Variants in PTPN22 observed in about 807,000 individuals in gnomAD.
PTPN22 encodes the protein tyrosine-protein phosphatase non-receptor type 22.
Under a neutral mutation model 103.3 loss-of-function variants are expected in PTPN22, and 85 were observed. The ratio of observed to expected loss-of-function variants is 0.82; its 90% confidence interval spans 0.69 to 0.99. The LOEUF (loss-of-function observed/expected upper bound fraction) is 0.99, where lower values mean the gene tolerates loss of function less well. PTPN22 is among the 50% of genes least tolerant of loss of function. The probability of loss-of-function intolerance (pLI) is 0.00; values close to 1 mark genes in which losing one functional copy is unlikely to be tolerated. For synonymous variants in PTPN22, 323 were observed against 310.2 expected (o/e 1.04, Z -0.43); for missense variants, 865 against 936.9 (o/e 0.92, Z 1.00).
At chr1:113,835,658 CTATA>C (rs768789268) in intron 13 of PTPN22, among the ~76,000 whole-genome samples, 1 of 152,058 alleles carries the variant, frequency 6.6e-6, no homozygotes, top group Non-Finnish European at 1.5e-5. Flanking sequence ...TTTACATAGA[CTATA>C]TAATAAAACA....
chr1:113,865,677 G>A (rs993441625), intron 1 of PTPN22, among the ~76,000 whole-genome samples: 4 of 152,102 alleles, frequency 2.6e-5, no homozygotes, highest in Admixed American at 2.6e-4. Context: ...CTTTGACCCA[G>A]TAATAACATT....
intron 16 of PTPN22, among the ~76,000 whole-genome samples, chr1:113,832,344 C>A (rs12746551): frequency 6.6e-6 from 1 of 152,134 alleles, no homozygotes; most frequent in African/African-American, 2.4e-5. Flanking sequence ...CCCGCCACCA[C>A]GCCCAGCTAA....
chr1:113,870,299 A>T (rs1044277404), intron 1 of PTPN22, among the ~76,000 whole-genome samples: 1 of 151,044 alleles, frequency 6.6e-6, no homozygotes, highest in Non-Finnish European at 1.5e-5. Flanking sequence ...TAATTTGGTG[A>T]AAAAAAATCA....
chr1:113,871,479 C>T, intron 1 of PTPN22, 58 bp downstream of exon 1: 2 of 1,454,898 alleles, frequency 1.4e-6, no homozygotes, highest in Non-Finnish European at 1.9e-6. Flanking sequence ...AATTGGACCC[C>T]CATAGTCAGT....
exon 9 of PTPN22, chr1:113,854,480 T>G (rs35910094): frequency 9.9e-6 from 16 of 1,613,388 alleles, no homozygotes; most frequent in Non-Finnish European, 1.4e-5. Flanking sequence ...CCCCATCTTT[T>G]AGCAACATCC....
chr1:113,829,690 T>C (rs762266023), exon 18 of PTPN22: 2 of 1,592,250 alleles, frequency 1.3e-6, no homozygotes, highest in Middle Eastern at 1.7e-4. Flanking sequence ...TATGTTTCTA[T>C]AGATTGGGCC....
chr1:113,824,257 A>G (rs1010560538), intron 19 of PTPN22, among the ~76,000 whole-genome samples: 1 of 152,100 alleles, frequency 6.6e-6, no homozygotes, highest in African/African-American at 2.4e-5. Flanking sequence ...GCATGCCACC[A>G]CACCCGGCTA....
At chr1:113,842,515 A>C (rs2102000232) in intron 11 of PTPN22, among the ~76,000 whole-genome samples, 1 of 152,006 alleles carries the variant, frequency 6.6e-6, no homozygotes, top group Middle Eastern at 3.4e-3. Flanking sequence ...CTCTACTAAA[A>C]ATACAAAAAT....
At position 113,858,540 on chromosome 1, in the gene PTPN22, G is replaced by A. The variant is rs1418774850; in HGVS notation, c.307C>T (p.Gln103Ter). 6.2e-7 allele frequency: 1 copy of A among 1,603,976 alleles called. No individual in the cohort carries two copies. Among genetic ancestry groups the A allele is most frequent in the Non-Finnish European group, 8.5e-7 (1 of 1,173,704 alleles). The change falls in exon 4 of 21, where the codon CAG becomes TAG. Residue 103 changes from glutamine (Q) to a stop codon, truncating the protein, a stop_gained. Coordinates refer to ENST00000359785, the Ensembl canonical transcript of PTPN22. LOFTEE classifies it high-confidence loss of function. ...AGGAGGGTTGTAGATAAAGGACCCTGGGTGGCAATATAAGCCTTGGGTCCA... is the reference window on the plus strand; with the variant it reads ...AGGAGGGTTGTAGATAAAGGACCCTAGGTGGCAATATAAGCCTTGGGTCCA...
intron 20 of PTPN22, 170 bp downstream of exon 20, chr1:113,819,407 T>C: frequency 2.5e-6 from 1 of 403,572 alleles, no homozygotes; most frequent in East Asian, 3.7e-5. Context: ...CTGTGTGAGA[T>C]GTTAAGAGGT....
chr1:113,819,571 A>G lies in PTPN22; in HGVS notation c.2359+6T>C. On this transcript the variant is annotated splice_donor_region_variant and intron_variant, in intron 20 of 20. Coordinates refer to ENST00000359785, the Ensembl canonical transcript of PTPN22. ...TTTTAACTCTTCAGTAAAATAACAC[A>G]CATACCAAAATTCAGAAATGAGCTG... 6.3e-7 allele frequency: 1 copy of G among 1,589,542 alleles called. No individual in the cohort carries two copies. Among genetic ancestry groups the G allele is most frequent in the Non-Finnish European group, 8.6e-7 (1 of 1,160,558 alleles).
chr1:113,834,240 T>C, intron 15 of PTPN22, 69 bp downstream of exon 15: 1 of 1,473,984 alleles, frequency 6.8e-7, no homozygotes, highest in Non-Finnish European at 9.3e-7. Flanking sequence ...TGATGGGTGT[T>C]AAAAATACAA....
At chr1:113,860,422 G>T (rs946401542) in intron 1 of PTPN22, among the ~76,000 whole-genome samples, 9 of 152,110 alleles carry the variant, frequency 5.9e-5, no homozygotes, top group Non-Finnish European at 1.2e-4. Flanking sequence ...TCTACTATAG[G>T]TCTTCAAACA....
At position 113,849,931 on chromosome 1, in the gene PTPN22, C is replaced by T. The variant is rs577098576; in HGVS notation, c.829-1305G>A. ...AAAATCAGGGCTGGGCATGGTGGCTCACGCCTGTAATCCCAGCACTTTGGG... is the reference window on the plus strand; with the variant it reads ...AAAATCAGGGCTGGGCATGGTGGCTTACGCCTGTAATCCCAGCACTTTGGG... On this transcript the variant is annotated intron_variant, in intron 10 of 20. Coordinates refer to ENST00000359785, the Ensembl canonical transcript of PTPN22. Among the ~76,000 whole-genome samples, 68 of 152,092 alleles carry T rather than the reference C, an allele frequency of 4.5e-4. 1 individual carries two copies. In the South Asian group the frequency reaches 0.013, roughly 30 times the overall value.
intron 11 of PTPN22, among the ~76,000 whole-genome samples, chr1:113,842,892 G>A (rs1419643762): frequency 6.6e-6 from 1 of 150,650 alleles, no homozygotes; most frequent in Non-Finnish European, 1.5e-5. Context: ...ACGAGGTCAG[G>A]AGATCGAGAC....
exon 10 of PTPN22, chr1:113,852,054 T>G (rs753605526): frequency 1.2e-6 from 2 of 1,611,496 alleles, no homozygotes; most frequent in Admixed American, 3.3e-5. Context: ...AAGGCCTCTG[T>G]GTCCGCATTT....
chr1:113,833,226 A>C, intron 15 of PTPN22, 88 bp from the exon 16 acceptor site: 4 of 919,860 alleles, frequency 4.3e-6, no homozygotes, highest in Non-Finnish European at 6.5e-6. Context: ...TTTTGAACTT[A>C]TATGTAATAT....
intron 5 of PTPN22, 118 bp downstream of exon 5, chr1:113,857,620 C>A (rs1665192439): frequency 1.5e-5 from 13 of 890,082 alleles, no homozygotes; most frequent in Non-Finnish European, 2.2e-5. Context: ...AAACTGAAAA[C>A]TATGAAGATG....
At chr1:113,837,973 G>A in exon 13 of PTPN22, 1 of 1,614,060 alleles carries the variant, frequency 6.2e-7, no homozygotes, top group Middle Eastern at 1.7e-4. Flanking sequence ...AGAATCATGT[G>A]GTTGAGATTC....
Sources: gnomAD v4.1 joint callset for allele counts (sites outside exome capture counted in the v4.1 genomes callset) on GRCh38, gnomAD v4.1.1 for gene constraint, MANE v1.5 for transcripts, NCBI Gene and HGNC (gene_info 2026-07-23, HGNC 2026-07-21) for gene names.